Variants in GRK1 observed in about 807,000 individuals in gnomAD.
GRK1 encodes rhodopsin kinase GRK1.
GRK1 carries 28 observed loss-of-function variants against 41.7 expected under a neutral mutation model. That is an observed-to-expected ratio of 0.67 (90% CI 0.50 to 0.92). The LOEUF (loss-of-function observed/expected upper bound fraction) is 0.92. GRK1 is among the 40% of genes least tolerant of loss of function. The pLI is 0.00. For missense variants in GRK1, 703 were observed against 671.2 expected (o/e 1.05, Z -0.52); for synonymous variants, 327 against 286.7 (o/e 1.14, Z -1.42).
At chr13:113,664,191 T>C (rs1190475133), upstream of GRK1, among the ~76,000 whole-genome samples, 2 of 151,936 alleles carry the variant, frequency 1.3e-5, no homozygotes, top group Non-Finnish European at 2.9e-5. This position sits in a 1 kb window ranked among gnomAD's most constrained non-coding sequence, Gnocchi z 5.4. Flanking sequence ...CTTAGAGAAG[T>C]CGTGGTTGCC....
rs1389953712 is a variant in GRK1 at position 113,731,185 on chromosome 13, C to A, written c.1070-34C>A. ...GAGTGCGTGCCCACCATGGAGGTGA[C>A]CACCTCTGAACCCGCAATGTCCCTT... On this transcript the variant is annotated intron_variant, in intron 4 of 6. Transcript: ENST00000335678. This position sits in a 1 kb window ranked among gnomAD's most constrained non-coding sequence, Gnocchi z 5.6. The A allele has an allele frequency of 2.4e-5, 37 of 1,532,614 alleles. No individual in the cohort carries two copies. The highest frequency in any genetic ancestry group is 3.2e-5 in the Non-Finnish European group (37 of 1,143,878). The allele number at this position is 1,532,614 out of a possible 1,614,324, so 94.9% of individuals were successfully genotyped here.
intron 6 of GRK1, among the ~76,000 whole-genome samples, chr13:113,733,896 TGTATGTGTGC>T (rs1348719355): frequency 5.8e-5 from 7 of 120,652 alleles, no homozygotes; most frequent in Non-Finnish European, 9.8e-5. Context: ...TGTGCGTGTG[TGTATGTGTGC>T]ATACAGTGTG....
At chr13:113,732,786 G>A (rs892370178) in intron 5 of GRK1, 98 bp from the exon 6 acceptor site, 11 of 1,327,030 alleles carry the variant, frequency 8.3e-6, no homozygotes, top group Non-Finnish European at 1.1e-5. Flanking sequence ...CCCCACCCGC[G>A]TGGGTGAGCG....
the GRK1 span, chr13:113,655,065 C>G: frequency 3.0e-6 from 4 of 1,347,366 alleles, no homozygotes; most frequent in Admixed American, 2.2e-5. Context: ...AGAACATTCT[C>G]CTCCCCCAAA....
At chr13:113,655,026 T>A in the GRK1 span, 1 of 1,548,012 alleles carries the variant, frequency 6.5e-7, no homozygotes, top group Non-Finnish European at 8.8e-7. Context: ...GTCCGTGATG[T>A]GGCGTGACCA....
chr13:113,669,580 C>G, intron 1 of GRK1, 107 bp from the exon 2 acceptor site: 1 of 1,379,970 alleles, frequency 7.2e-7, no homozygotes, highest in Non-Finnish European at 1.0e-6. Context: ...TTTGCGACTG[C>G]TCCGTGGCTG....
In GRK1 at chr13:113,733,695, ACATGTGTG is replaced by A. The variant is rs1450737896; in HGVS notation, c.1396+612_1396+619del. ...CACGTGTGTGCATGTATGTGTGCAT[ACATGTGTG>A]CGTGTGTGCGCACGTGTGTGTGCGC... is the stretch of plus-strand genomic sequence containing the variant. On this transcript the variant is annotated intron_variant, in intron 6 of 6. Coordinates refer to ENST00000335678, the MANE Select transcript of GRK1 (RefSeq NM_002929.3). 9.1e-5 allele frequency among the ~76,000 whole-genome samples: 9 copies of A among 98,508 alleles called. No homozygotes were observed. In the South Asian group the frequency reaches 1.3e-3, roughly 14 times the overall value. The allele number at this position is 98,508 out of a possible 152,430, so 64.6% of individuals were successfully genotyped here. A position where few individuals can be genotyped will look rare whatever the true frequency, so the allele number is the denominator to read the frequency against.
rs554478683 is a variant in GRK1, at chr13:113,731,404, C to T, written c.1194+61C>T. The stretch of plus-strand genomic sequence containing the variant: ...TTGGCGCCCTGGCTCTCGATGGGGA[C>T]GGGGCAGTGATGGGATCGTTACTGG... On this transcript the variant is annotated intron_variant, in intron 5 of 6. Transcript: ENST00000335678. This position sits in a 1 kb window ranked among gnomAD's most constrained non-coding sequence, Gnocchi z 5.6. 1.6e-4 allele frequency: 249 copies of T among 1,531,606 alleles called. No individual in the cohort carries two copies. The highest frequency in any genetic ancestry group is 1.8e-4 in the Non-Finnish European group (202 of 1,143,878). The allele number at this position is 1,531,606 out of a possible 1,614,324, so 94.9% of individuals were successfully genotyped here. A position where few individuals can be genotyped will look rare whatever the true frequency, so the allele number is the denominator to read the frequency against.
intron 4 of GRK1, among the ~76,000 whole-genome samples, chr13:113,724,595 A>T (rs549944919): frequency 6.6e-6 from 1 of 152,290 alleles, no homozygotes; most frequent in South Asian, 2.1e-4. Context: ...GTTCTGACGA[A>T]GGGCAGTTCT....
intron 4 of GRK1, among the ~76,000 whole-genome samples, chr13:113,728,584 T>G (rs2049911263): frequency 6.6e-6 from 1 of 152,176 alleles, no homozygotes; most frequent in African/African-American, 2.4e-5. Flanking sequence ...GCAAGTGCTG[T>G]GCTCATCACC....
the GRK1 span, among the ~76,000 whole-genome samples, chr13:113,651,968 G>T: frequency 8.9e-3 from 1,359 of 152,236 alleles, 17 homozygotes; most frequent in African/African-American, 0.031. Flanking sequence ...CTTGGCCCAG[G>T]CTTCAGGAGG....
chr13:113,653,141 C>A, the GRK1 span: 23 of 1,537,314 alleles, frequency 1.5e-5, no homozygotes, highest in Non-Finnish European at 2.0e-5. Context: ...CCCGGGAAGG[C>A]CTTGCAAGCC....
intron 4 of GRK1, among the ~76,000 whole-genome samples, chr13:113,727,325 G>A (rs992882237): frequency 1.3e-5 from 2 of 152,262 alleles, no homozygotes; most frequent in East Asian, 1.9e-4. Flanking sequence ...GGCAGCCCAC[G>A]GTCTATGGAC....
chr13:113,663,936 C>G (rs1306002521), upstream of GRK1, among the ~76,000 whole-genome samples: 1 of 152,178 alleles, frequency 6.6e-6, no homozygotes, highest in Non-Finnish European at 1.5e-5. Flanking sequence ...GCATTTACCC[C>G]AGAGAAATAG....
At chr13:113,659,257 G>A in the GRK1 span, among the ~76,000 whole-genome samples, 1 of 152,206 alleles carries the variant, frequency 6.6e-6, no homozygotes, top group East Asian at 1.9e-4. Flanking sequence ...CTGCCTGCTG[G>A]CTGCAGTGCC....
At chr13:113,653,392 T>G in the GRK1 span, 1 of 1,614,198 alleles carries the variant, frequency 6.2e-7, no homozygotes, top group Non-Finnish European at 8.5e-7. Flanking sequence ...GTAGACAATT[T>G]CCAGGCCTTT....
rs1369593147 is a variant in GRK1, at chr13:113,667,974, AG to A, written c.591del (p.Gly200AlafsTer10). The A allele has an allele frequency of 6.2e-7, 1 of 1,609,264 alleles. No homozygotes were observed. Among genetic ancestry groups the A allele is most frequent in the East Asian group, 2.2e-5 (1 of 44,726 alleles). On this transcript the variant is annotated frameshift_variant, in exon 1 of 7. Coordinates refer to ENST00000335678, the MANE Select transcript of GRK1 (RefSeq NM_002929.3). LOFTEE classifies it high-confidence loss of function. The surrounding 1 kb of genome is among the most constrained non-coding windows in gnomAD (Gnocchi z 7.5). ...EDWFLDFRVL[G>X]KGGFGEVSAC... ...ACTGGTTCCTGGACTTCAGGGTCCT[AG>A]GGAAAGGGGGCTTCGGGGAGGTGTC...
chr13:113,651,523 G>A, the GRK1 span: 1 of 858,332 alleles, frequency 1.2e-6, no homozygotes, highest in African/African-American at 1.8e-5. Flanking sequence ...GCTCGCTGTG[G>A]TGATGGTTCG....
intron 4 of GRK1, among the ~76,000 whole-genome samples, chr13:113,723,527 G>A (rs2049869782): frequency 6.6e-6 from 1 of 152,100 alleles, no homozygotes; most frequent in African/African-American, 2.4e-5. Flanking sequence ...GGCGGGAGGG[G>A]GCTTCCAGGT....
Sources: allele counts gnomAD v4.1 joint callset (sites outside exome capture counted in the v4.1 genomes callset), GRCh38; gene constraint gnomAD v4.1.1; non-coding constraint Gnocchi (gnomAD v3.1); transcripts MANE v1.5; gene names NCBI Gene and HGNC (gene_info 2026-07-23, HGNC 2026-07-21).